ANK2: variants seen among roughly 807,000 people sequenced by gnomAD.
ANK2 encodes ankyrin-2.
A neutral mutation model predicts 360.5 loss-of-function variants in ANK2; 83 were observed. That is an observed-to-expected ratio of 0.23 (90% CI 0.19 to 0.28). ANK2 has a LOEUF of 0.28. Ranked by LOEUF, ANK2 falls within the 10% of genes least tolerant of loss-of-function variation. ANK2 has a pLI of 1.00. For missense variants in ANK2, 4,201 were observed against 4,795.7 expected (o/e 0.88, Z 3.66); for synonymous variants, 1,740 against 1,759.5 (o/e 0.99, Z 0.28).
At chr4:113,192,364 C>CAT (rs57156571) in intron 2 of ANK2, among the ~76,000 whole-genome samples, 31,306 of 152,022 alleles carry the variant, frequency 0.21, 3,367 homozygotes, top group East Asian at 0.32. Context: ...CACACACAGA[C>CAT]GTGTGTATAA....
At chr4:112,805,090 T>G in the ANK2 span, among the ~76,000 whole-genome samples, 1 of 152,148 alleles carries the variant, frequency 6.6e-6, no homozygotes, top group Admixed American at 6.5e-5. Flanking sequence ...GATGTAGAAG[T>G]GACTAGCACT....
chr4:112,920,476 A>G (rs989750637), intron 2 of ANK2, among the ~76,000 whole-genome samples: 4 of 152,244 alleles, frequency 2.6e-5, no homozygotes, highest in Non-Finnish European at 5.9e-5. Flanking sequence ...CAGAGGATGT[A>G]GAATATAACA....
At chr4:113,340,563 G>A (rs2094151392) in intron 32 of ANK2, among the ~76,000 whole-genome samples, 1 of 152,078 alleles carries the variant, frequency 6.6e-6, no homozygotes, top group South Asian at 2.1e-4. Context: ...GGACATGGTG[G>A]CACACACCTG....
chr4:113,097,468 T>C (rs1003783275), intron 1 of ANK2, among the ~76,000 whole-genome samples: 1 of 152,104 alleles, frequency 6.6e-6, no homozygotes, highest in Admixed American at 6.6e-5. Context: ...TTGCACCCAA[T>C]TTATACAGCT....
chr4:112,945,242 A>G (rs1456666261), intron 2 of ANK2, among the ~76,000 whole-genome samples: 1 of 152,218 alleles, frequency 6.6e-6, no homozygotes, highest in East Asian at 1.9e-4. Context: ...GAAGTGATGC[A>G]TGTTACTTTG....
At chr4:112,962,462 G>A (rs2035319037) in intron 2 of ANK2, among the ~76,000 whole-genome samples, 1 of 152,128 alleles carries the variant, frequency 6.6e-6, no homozygotes, top group Non-Finnish European at 1.5e-5. Flanking sequence ...CACCTAGGTT[G>A]ACTCCATATC....
chr4:113,144,450 T>TA (rs2096753792), intron 1 of ANK2, among the ~76,000 whole-genome samples: 1 of 151,658 alleles, frequency 6.6e-6, no homozygotes, highest in Non-Finnish European at 1.5e-5. Flanking sequence ...GTTTTTAGCT[T>TA]TAAAAAAAAA....
chr4:113,111,945 A>C (rs938685567), intron 1 of ANK2, among the ~76,000 whole-genome samples: 4 of 152,158 alleles, frequency 2.6e-5, no homozygotes, highest in Non-Finnish European at 5.9e-5. Flanking sequence ...CATGAGGACA[A>C]GGGTTTTGTC....
the ANK2 span, among the ~76,000 whole-genome samples, chr4:112,742,396 A>ATGTGTG: frequency 5.2e-3 from 772 of 149,756 alleles, 4 homozygotes; most frequent in East Asian, 0.024. Context: ...ACTGAATTCT[A>ATGTGTG]TGTGTGTGTG....
intron 2 of ANK2, among the ~76,000 whole-genome samples, chr4:112,979,158 A>C (rs1350696458): frequency 6.6e-6 from 1 of 152,178 alleles, no homozygotes; most frequent in East Asian, 1.9e-4. Flanking sequence ...ACCAGCCCAG[A>C]TCCCATATCT....
chr4:113,088,077 G>A (rs1448925748), intron 1 of ANK2, among the ~76,000 whole-genome samples: 1 of 151,994 alleles, frequency 6.6e-6, no homozygotes, highest in Non-Finnish European at 1.5e-5. Context: ...TTTTTAATAA[G>A]AAATCATAAT....
intron 15 of ANK2, 119 bp from the exon 16 acceptor site, chr4:113,277,718 C>T: frequency 5.4e-6 from 4 of 742,176 alleles, no homozygotes; most frequent in African/African-American, 1.7e-5. Context: ...TTTAATGCTA[C>T]CAGTATTTTT....
At chr4:113,381,027 A>C (rs538354895) in intron 45 of ANK2, among the ~76,000 whole-genome samples, 3 of 152,196 alleles carry the variant, frequency 2.0e-5, no homozygotes, top group African/African-American at 7.2e-5. Context: ...CTGGCAGCCA[A>C]GGTGTTTCAA....
At chr4:113,361,011 G>C in intron 39 of ANK2, 114 bp downstream of exon 39, 2 of 994,930 alleles carry the variant, frequency 2.0e-6, no homozygotes. Context: ...TACATGAAAA[G>C]AAGAATAAAC....
chr4:113,356,280 C>A lies in ANK2; in HGVS notation c.7662C>A (p.Thr2554=). Residue 2554 remains threonine, a synonymous_variant, in exon 38 of 46, where the codon ACC becomes ACA. Transcript: ENST00000357077. ...EEVSYEVTPK[T]TDVSTPKPAV... Reference sequence around the variant, plus strand: ...TCAGCTATGAGGTTACACCCAAAACCACAGATGTAAGTACACCAAAACCAG... The same window carrying A: ...TCAGCTATGAGGTTACACCCAAAACAACAGATGTAAGTACACCAAAACCAG... 6.2e-7 allele frequency: 1 copy of A among 1,614,098 alleles called. No homozygotes were observed. The highest frequency in any genetic ancestry group is 8.5e-7 in the Non-Finnish European group (1 of 1,180,000).
intron 2 of ANK2, among the ~76,000 whole-genome samples, chr4:113,001,679 G>A (rs2050735393): frequency 6.6e-6 from 1 of 152,082 alleles, no homozygotes; most frequent in African/African-American, 2.4e-5. Flanking sequence ...TACAGTTCTG[G>A]TCATTCCTCA....
intron 2 of ANK2, among the ~76,000 whole-genome samples, chr4:112,920,433 A>G (rs2091172085): frequency 6.6e-6 from 1 of 152,220 alleles, no homozygotes; most frequent in Admixed American, 6.5e-5. Context: ...CAGTTAGGAA[A>G]TAATAAATGT....
chr4:113,305,783 C>A (rs2077012027), intron 23 of ANK2, among the ~76,000 whole-genome samples: 1 of 152,036 alleles, frequency 6.6e-6, no homozygotes, highest in African/African-American at 2.4e-5. Flanking sequence ...TTAGCTAATC[C>A]CTGTTTTCTC....
intron 2 of ANK2, among the ~76,000 whole-genome samples, chr4:112,934,252 C>T (rs944719512): frequency 5.9e-5 from 9 of 152,108 alleles, no homozygotes; most frequent in Middle Eastern, 3.4e-3. Context: ...AGGTGATTTC[C>T]GTAATTGAAG....
Sources: allele counts gnomAD v4.1 joint callset (sites outside exome capture counted in the v4.1 genomes callset), GRCh38; gene constraint gnomAD v4.1.1; transcripts MANE v1.5; gene names NCBI Gene and HGNC (gene_info 2026-07-23, HGNC 2026-07-21).